Variants in GALNTL6 observed in about 807,000 individuals in gnomAD.
GALNTL6 encodes the protein polypeptide N-acetylgalactosaminyltransferase like 6.
Under a neutral mutation model 73.7 loss-of-function variants are expected in GALNTL6, and 46 were observed. The ratio of observed to expected loss-of-function variants is 0.62; its 90% CI spans 0.49 to 0.80. The LOEUF (loss-of-function observed/expected upper bound fraction) is 0.80. Ranked by LOEUF, GALNTL6 falls within the 30% of genes least tolerant of loss-of-function variation. The pLI is 0.00. For missense variants in GALNTL6, 604 were observed against 755.0 expected, an observed-to-expected ratio of 0.80 and a Z score of 2.34; for synonymous variants, 259 against 263.7, an observed-to-expected ratio of 0.98 and a Z score of 0.17.
At chr4:172,634,805 A>G (rs930554951) in intron 5 of GALNTL6, among the ~76,000 whole-genome samples, 3 of 152,206 alleles carry the variant, frequency 2.0e-5, no homozygotes, top group Non-Finnish European at 4.4e-5. Context: ...CTGCCTTCCC[A>G]TAATTAATCA....
chr4:171,893,058 G>T (rs1023594129), intron 2 of GALNTL6, among the ~76,000 whole-genome samples: 7 of 152,114 alleles, frequency 4.6e-5, no homozygotes, highest in African/African-American at 1.7e-4. Flanking sequence ...GAATAAATGA[G>T]GTAGGAATTA....
At chr4:172,793,995 T>C (rs746103907) in intron 5 of GALNTL6, among the ~76,000 whole-genome samples, 5 of 152,190 alleles carry the variant, frequency 3.3e-5, no homozygotes, top group Admixed American at 1.3e-4. Flanking sequence ...ATTTAAATAA[T>C]GACTTCTATT....
At chr4:171,846,631 G>A (rs1735377865) in intron 2 of GALNTL6, among the ~76,000 whole-genome samples, 2 of 150,832 alleles carry the variant, frequency 1.3e-5, no homozygotes, top group South Asian at 4.2e-4. Context: ...ATGTATTTAG[G>A]ATTTAAGATT....
chr4:172,579,849 AG>A (rs1737107306), intron 5 of GALNTL6, among the ~76,000 whole-genome samples: 1 of 138,946 alleles, frequency 7.2e-6, no homozygotes. Flanking sequence ...AAGGAAGGAA[AG>A]AAAGAAGGGA....
At chr4:172,638,588 A>C (rs1448901224) in intron 5 of GALNTL6, among the ~76,000 whole-genome samples, 4 of 152,156 alleles carry the variant, frequency 2.6e-5, no homozygotes, top group African/African-American at 9.7e-5. Flanking sequence ...AAGTTGCAGA[A>C]ATAGTAAACA....
chr4:172,066,870 A>C (rs1201022102), intron 2 of GALNTL6, among the ~76,000 whole-genome samples: 1 of 151,922 alleles, frequency 6.6e-6, no homozygotes, highest in Non-Finnish European at 1.5e-5. Flanking sequence ...TTTCTCCCTA[A>C]CCTTTACCTG....
At chr4:172,842,667 A>G (rs1013325988) in intron 7 of GALNTL6, among the ~76,000 whole-genome samples, 5 of 151,920 alleles carry the variant, frequency 3.3e-5, no homozygotes, top group African/African-American at 9.7e-5. Context: ...GATTAAATTC[A>G]GCAAGCAGAA....
chr4:172,929,409 GTA>G (rs1748215621), intron 8 of GALNTL6, among the ~76,000 whole-genome samples: 1 of 152,100 alleles, frequency 6.6e-6, no homozygotes, highest in South Asian at 2.1e-4. Flanking sequence ...ATATGTATCT[GTA>G]TTACTCAGGG....
intron 3 of GALNTL6, among the ~76,000 whole-genome samples, chr4:172,267,499 A>G (rs754340603): frequency 3.3e-5 from 5 of 152,104 alleles, no homozygotes; most frequent in Non-Finnish European, 7.4e-5. Context: ...TTAAAAGTTT[A>G]CATCTAATTT....
At position 172,750,191 on chromosome 4, in the gene GALNTL6, G is replaced by A. The variant is rs1255461635; in HGVS notation, c.554-59170G>A. Among the ~76,000 whole-genome samples the A allele has an allele frequency of 2.6e-5, 4 of 152,138 alleles. No individual in the cohort carries two copies. In the South Asian group the frequency reaches 6.2e-4, roughly 24 times the overall value. On this transcript the variant is annotated intron_variant, in intron 5 of 12. Coordinates refer to ENST00000506823, the MANE Select transcript of GALNTL6 (RefSeq NM_001034845.3). ...TGTCTCCAGTTCAGGGTTGCGGGTG[G>A]ATAGAGCCTCAATTTTGAGTTTGTA...
chr4:172,100,385 A>G (rs970771351), intron 2 of GALNTL6, among the ~76,000 whole-genome samples: 1 of 152,144 alleles, frequency 6.6e-6, no homozygotes, highest in African/African-American at 2.4e-5. Context: ...GTAGGTGCTC[A>G]ATACATAATT....
intron 2 of GALNTL6, among the ~76,000 whole-genome samples, chr4:172,164,519 C>T (rs1734565607): frequency 6.6e-6 from 1 of 151,766 alleles, no homozygotes; most frequent in African/African-American, 2.4e-5. Context: ...TATTAGTCAC[C>T]TTTTCAAGTT....
At chr4:171,908,328 T>C (rs1338200423) in intron 2 of GALNTL6, among the ~76,000 whole-genome samples, 1 of 151,912 alleles carries the variant, frequency 6.6e-6, no homozygotes, top group Non-Finnish European at 1.5e-5. Context: ...CATCAAAAAG[T>C]GGGAGAAGGA....
At chr4:172,990,141 A>T (rs1447796515) in intron 10 of GALNTL6, among the ~76,000 whole-genome samples, 2 of 152,188 alleles carry the variant, frequency 1.3e-5, no homozygotes, top group South Asian at 4.1e-4. Flanking sequence ...GTCTGTTTAT[A>T]TCTGAAAGCA....
intron 7 of GALNTL6, among the ~76,000 whole-genome samples, chr4:172,846,752 T>C (rs1042611939): frequency 1.6e-4 from 24 of 152,202 alleles, no homozygotes; most frequent in African/African-American, 5.8e-4. Flanking sequence ...ATAATGTATT[T>C]GTTGCCATGT....
intron 10 of GALNTL6, among the ~76,000 whole-genome samples, chr4:172,964,993 C>A (rs1192646028): frequency 1.3e-5 from 2 of 152,218 alleles, no homozygotes; most frequent in African/African-American, 2.4e-5. Context: ...AACTACGCGG[C>A]AAACTGCCTC....
chr4:172,984,550 C>A (rs1751212397), intron 10 of GALNTL6, among the ~76,000 whole-genome samples: 1 of 152,130 alleles, frequency 6.6e-6, no homozygotes, highest in African/African-American at 2.4e-5. Context: ...CTGGAGAGTT[C>A]ATAACTTTCA....
chr4:172,773,600 C>CAAA (rs11382532), intron 5 of GALNTL6, among the ~76,000 whole-genome samples: 7 of 145,692 alleles, frequency 4.8e-5, no homozygotes, highest in Admixed American at 1.4e-4. Flanking sequence ...ATTCAGTGAC[C>CAAA]AAAAAAAAAA....
chr4:172,846,610 G>A (rs193219805), intron 7 of GALNTL6, among the ~76,000 whole-genome samples: 8 of 152,222 alleles, frequency 5.3e-5, no homozygotes, highest in East Asian at 1.9e-4. Flanking sequence ...TCAGTTTGTT[G>A]TTTTAATTAA....
Sources: gnomAD v4.1 joint callset for allele counts (sites outside exome capture counted in the v4.1 genomes callset) on GRCh38, gnomAD v4.1.1 for gene constraint, MANE v1.5 for transcripts, NCBI Gene and HGNC (gene_info 2026-07-23, HGNC 2026-07-21) for gene names.